The following NTM variants were observed in gnomAD, a reference collection of about 807,000 sequenced individuals.
NTM encodes IgLON family member 2.
Under a neutral mutation model 42.1 loss-of-function variants are expected in NTM, and 13 were observed. The observed-to-expected ratio is 0.31, with a 90% CI of 0.20 to 0.49. The LOEUF (loss-of-function observed/expected upper bound fraction) is 0.49, where lower values mean the gene tolerates loss of function less well. Ranked by LOEUF, NTM falls within the 20% of genes least tolerant of loss-of-function variation. NTM has a pLI of 0.99. For missense variants in NTM, 373 were observed against 452.8 expected, an observed-to-expected ratio of 0.82 and a Z score of 1.60; for synonymous variants, 187 against 179.2, an observed-to-expected ratio of 1.04 and a Z score of -0.35.
intron 1 of NTM, among the ~76,000 whole-genome samples, chr11:131,442,741 G>A (rs896056172): frequency 5.9e-5 from 9 of 151,844 alleles, no homozygotes; most frequent in African/African-American, 2.2e-4. Flanking sequence ...TCACTACAAA[G>A]GACATAATTT....
intron 1 of NTM, among the ~76,000 whole-genome samples, chr11:131,462,331 C>A (rs764263904): frequency 1.3e-5 from 2 of 152,142 alleles, no homozygotes; most frequent in Non-Finnish European, 2.9e-5. Context: ...GGCTACATAA[C>A]TATATGTTTG....
chr11:131,707,359 G>T (rs923153071), intron 1 of NTM, among the ~76,000 whole-genome samples: 11 of 151,926 alleles, frequency 7.2e-5, no homozygotes, highest in Non-Finnish European at 1.6e-4. Flanking sequence ...GTATTTCATT[G>T]TGTGCATATG....
chr11:131,895,489 A>G (rs1483207281), intron 1 of NTM, among the ~76,000 whole-genome samples: 1 of 152,188 alleles, frequency 6.6e-6, no homozygotes, highest in Non-Finnish European at 1.5e-5. Context: ...TCAGGGTCAT[A>G]TACTTTGCTC....
intron 3 of NTM, among the ~76,000 whole-genome samples, chr11:132,170,181 G>C (rs1011799828): frequency 2.0e-5 from 3 of 152,192 alleles, no homozygotes; most frequent in African/African-American, 7.2e-5. Context: ...CAGGGTGGAA[G>C]AAACTGTGTC....
chr11:131,672,417 G>A (rs1315103638), intron 1 of NTM, among the ~76,000 whole-genome samples: 1 of 152,208 alleles, frequency 6.6e-6, no homozygotes, highest in South Asian at 2.1e-4. Context: ...ACGCGTGGGC[G>A]TGTTTGGATG....
intron 1 of NTM, among the ~76,000 whole-genome samples, chr11:131,406,365 G>T (rs1365176581): frequency 6.6e-6 from 1 of 152,068 alleles, no homozygotes; most frequent in African/African-American, 2.4e-5. Context: ...TTAATTTAGT[G>T]GCCATATTAA....
chr11:131,725,455 C>T (rs574620789), intron 1 of NTM, among the ~76,000 whole-genome samples: 3 of 151,940 alleles, frequency 2.0e-5, no homozygotes, highest in Non-Finnish European at 4.4e-5. Flanking sequence ...GTAATATGAT[C>T]AGAGCAGGCT....
intron 1 of NTM, among the ~76,000 whole-genome samples, chr11:131,497,960 A>C (rs1235432952): frequency 6.6e-6 from 1 of 152,166 alleles, no homozygotes; most frequent in Non-Finnish European, 1.5e-5. Flanking sequence ...ATTAGCTTAG[A>C]CTGTGTGGTC....
intron 1 of NTM, among the ~76,000 whole-genome samples, chr11:131,611,821 A>T (rs767480847): frequency 1.3e-5 from 2 of 152,198 alleles, no homozygotes; most frequent in Non-Finnish European, 2.9e-5. Context: ...ACACAGAGCT[A>T]TGGTGATTTA....
chr11:131,393,689 C>T (rs1944266552), intron 1 of NTM, among the ~76,000 whole-genome samples: 1 of 152,224 alleles, frequency 6.6e-6, no homozygotes, highest in Non-Finnish European at 1.5e-5. Context: ...ATGCCTCTCT[C>T]TCTCCGCCCC....
At chr11:131,789,932 G>A (rs1470905922) in intron 1 of NTM, among the ~76,000 whole-genome samples, 2 of 142,368 alleles carry the variant, frequency 1.4e-5, no homozygotes, top group South Asian at 2.2e-4. Context: ...CTCCAGCCTG[G>A]GCGACAGAGC....
At chr11:131,424,597 TTTC>T (rs1313102666) in intron 1 of NTM, among the ~76,000 whole-genome samples, 1 of 125,526 alleles carries the variant, frequency 8.0e-6, no homozygotes, top group East Asian at 2.7e-4. Context: ...TTTCTTTTCT[TTTC>T]TTTTTTTTTT....
chr11:132,197,837 T>C (rs1319083372), intron 3 of NTM, among the ~76,000 whole-genome samples: 1 of 152,134 alleles, frequency 6.6e-6, no homozygotes, highest in East Asian at 1.9e-4. Context: ...CTCATCATTT[T>C]TTATGGCTGC....
chr11:131,890,213 C>A (rs1262990596), intron 1 of NTM, among the ~76,000 whole-genome samples: 1 of 150,444 alleles, frequency 6.6e-6, no homozygotes, highest in South Asian at 2.1e-4. Context: ...ACACACATAT[C>A]CACCTCACCC....
intron 1 of NTM, among the ~76,000 whole-genome samples, chr11:131,654,438 G>GT (rs11435915): frequency 0.018 from 2,718 of 150,718 alleles, 67 homozygotes; most frequent in African/African-American, 0.058. Context: ...GTCCCGACAG[G>GT]TTTTTTTTTT....
chr11:132,148,627 G>GTCAT (rs1231985480), intron 3 of NTM, among the ~76,000 whole-genome samples: 5 of 152,098 alleles, frequency 3.3e-5, no homozygotes, highest in African/African-American at 1.2e-4. Flanking sequence ...TCATATTTTT[G>GTCAT]TCATTTTCTT....
At chr11:131,578,228 T>G (rs1200304183) in intron 1 of NTM, among the ~76,000 whole-genome samples, 1 of 152,200 alleles carries the variant, frequency 6.6e-6, no homozygotes, top group African/African-American at 2.4e-5. Flanking sequence ...GGGCCATATC[T>G]AAGATAATGG....
chr11:131,595,302 A>G (rs12361237), intron 1 of NTM, among the ~76,000 whole-genome samples: 2,947 of 152,294 alleles, frequency 0.019, 48 homozygotes, highest in Middle Eastern at 0.048. Flanking sequence ...AAGGCAACAG[A>G]AAGCTTTGAT....
chr11:132,284,526 T>G (rs2094144232), intron 4 of NTM, among the ~76,000 whole-genome samples: 1 of 152,034 alleles, frequency 6.6e-6, no homozygotes, highest in South Asian at 2.1e-4. Context: ...ACTGCGATAC[T>G]GGGACCCTGC....
Sources: allele counts gnomAD v4.1 joint callset (sites outside exome capture counted in the v4.1 genomes callset), GRCh38; gene constraint gnomAD v4.1.1; transcripts MANE v1.5; gene names NCBI Gene and HGNC (gene_info 2026-07-23, HGNC 2026-07-21).